AP3S1: variants seen among roughly 807,000 people sequenced by gnomAD.
AP3S1 encodes adaptor related protein complex 3 subunit sigma 1.
AP3S1 carries 12 observed loss-of-function variants against 21.3 expected under a neutral mutation model. The observed-to-expected ratio is 0.56, with a 90% CI of 0.36 to 0.91. AP3S1 has a LOEUF of 0.91. AP3S1 is among the 40% of genes least tolerant of loss of function. AP3S1 has a pLI of 0.01. For synonymous variants in AP3S1, 48 were observed against 78.4 expected, an observed-to-expected ratio of 0.61 and a Z score of 2.05; for missense variants, 116 against 225.0, an observed-to-expected ratio of 0.52 and a Z score of 3.10.
At chr5:115,894,599 T>C (rs1750590034) in intron 3 of AP3S1, among the ~76,000 whole-genome samples, 1 of 152,186 alleles carries the variant, frequency 6.6e-6, no homozygotes, top group African/African-American at 2.4e-5. Flanking sequence ...AGTTTAGAGT[T>C]TGGACCCAGG....
At chr5:115,847,017 C>T (rs1228183509) in intron 1 of AP3S1, among the ~76,000 whole-genome samples, 3 of 152,144 alleles carry the variant, frequency 2.0e-5, no homozygotes, top group Non-Finnish European at 4.4e-5. Context: ...TTCTCTTTCT[C>T]TGCTTTACTC....
intron 4 of AP3S1, among the ~76,000 whole-genome samples, chr5:115,900,799 A>G (rs1041703635): frequency 1.3e-5 from 2 of 152,198 alleles, no homozygotes; most frequent in Admixed American, 1.3e-4. Context: ...GAGCTGGGAA[A>G]TAGATGTATG....
At chr5:115,851,373 TTA>T (rs1382333267) in intron 1 of AP3S1, among the ~76,000 whole-genome samples, 5 of 152,182 alleles carry the variant, frequency 3.3e-5, no homozygotes, top group African/African-American at 9.7e-5. Context: ...TATGGTAATT[TTA>T]TGTTTTGCTT....
chr5:115,884,411 A>G (rs1476499674), intron 3 of AP3S1, among the ~76,000 whole-genome samples: 1 of 152,156 alleles, frequency 6.6e-6, no homozygotes, highest in Non-Finnish European at 1.5e-5. Flanking sequence ...TAAAGATACA[A>G]AAAATTAGCC....
intron 3 of AP3S1, among the ~76,000 whole-genome samples, chr5:115,871,083 C>T (rs1748194024): frequency 6.6e-6 from 1 of 152,092 alleles, no homozygotes; most frequent in Admixed American, 6.5e-5. Context: ...GCATGTCTGC[C>T]CTTGTTTGGA....
intron 4 of AP3S1, among the ~76,000 whole-genome samples, chr5:115,895,811 A>G (rs1750710705): frequency 6.6e-6 from 1 of 152,220 alleles, no homozygotes; most frequent in African/African-American, 2.4e-5. Flanking sequence ...GGAAATGACT[A>G]AGACACTACG....
At chr5:115,906,222 G>A (rs1204158695) in intron 5 of AP3S1, among the ~76,000 whole-genome samples, 2 of 152,088 alleles carry the variant, frequency 1.3e-5, no homozygotes, top group Non-Finnish European at 2.9e-5. Flanking sequence ...GAAAAGAACT[G>A]GTTATCAATA....
At chr5:115,868,604 A>G (rs1222232853) in intron 2 of AP3S1, among the ~76,000 whole-genome samples, 1 of 152,062 alleles carries the variant, frequency 6.6e-6, no homozygotes, top group East Asian at 1.9e-4. Context: ...GATGCTGGCC[A>G]GGCGCAGTGG....
chr5:115,898,933 T>C (rs1282214545), intron 4 of AP3S1: 1 of 152,248 alleles, frequency 6.6e-6, no homozygotes, highest in Non-Finnish European at 1.5e-5. Flanking sequence ...TCCAATTGGG[T>C]GGCCCCGTGT....
chr5:115,900,855 C>A (rs1029496479), intron 4 of AP3S1, among the ~76,000 whole-genome samples: 3 of 152,158 alleles, frequency 2.0e-5, no homozygotes, highest in Admixed American at 2.0e-4. Flanking sequence ...TATTAAAAAT[C>A]ATTGACCACT....
At chr5:115,884,233 ATC>A (rs1749565073) in intron 3 of AP3S1, among the ~76,000 whole-genome samples, 2 of 152,152 alleles carry the variant, frequency 1.3e-5, no homozygotes, top group Non-Finnish European at 1.5e-5. Context: ...ATTTTTAAAT[ATC>A]TCTTAATTTT....
rs1420424512 is a variant in AP3S1 at position 115,869,411 on chromosome 5, A to C, written c.162-606A>C. Among the ~76,000 whole-genome samples, 3 of 152,176 alleles carry C rather than the reference A, an allele frequency of 2.0e-5. No individual in the cohort carries two copies. The East Asian group carries it at 5.8e-4, about 29-fold the overall frequency. On this transcript the variant is annotated intron_variant, in intron 2 of 5. Transcript: ENST00000316788. ...AGTTAAATCTAGTAAGCACTTACAAATGCCCCATGATCTAATTTCCGCCTA... is the reference window on the plus strand; with the variant it reads ...AGTTAAATCTAGTAAGCACTTACAACTGCCCCATGATCTAATTTCCGCCTA...
At chr5:115,878,240 A>G (rs946385364) in intron 3 of AP3S1, among the ~76,000 whole-genome samples, 3 of 152,080 alleles carry the variant, frequency 2.0e-5, no homozygotes, top group Non-Finnish European at 4.4e-5. Flanking sequence ...TTTTGTTGCA[A>G]TTGCTTTTGG....
At position 115,866,774 on chromosome 5, in the gene AP3S1, T is replaced by G. The variant is rs777192109; in HGVS notation, c.161+13T>G. The G allele has an allele frequency of 6.5e-7, 1 of 1,539,812 alleles. No individual in the cohort carries two copies. The highest frequency in any genetic ancestry group is 8.9e-7 in the Non-Finnish European group (1 of 1,120,558). ...TAGAAGGAGGATTGTAAGTAAAGCA[T>G]TTCATAGACATTTCTAAGTTTTGAC... On this transcript the variant is annotated intron_variant, in intron 2 of 5. Coordinates refer to ENST00000316788, the MANE Select transcript of AP3S1 (RefSeq NM_001284.4).
intron 5 of AP3S1, chr5:115,906,962 A>T (rs927609711): frequency 1.5e-6 from 2 of 1,375,266 alleles, no homozygotes; most frequent in African/African-American, 1.5e-5. Context: ...TCTTTGTGTT[A>T]ATAAACCCAT....
intron 3 of AP3S1, among the ~76,000 whole-genome samples, chr5:115,879,309 A>G (rs1231054510): frequency 6.6e-6 from 1 of 152,248 alleles, no homozygotes; most frequent in East Asian, 1.9e-4. Flanking sequence ...GCTTTTGCCC[A>G]TTCAGTATGA....
chr5:115,862,833 A>G (rs1763301607), intron 1 of AP3S1, among the ~76,000 whole-genome samples: 1 of 152,228 alleles, frequency 6.6e-6, no homozygotes, highest in East Asian at 1.9e-4. Context: ...TGATGTTGGA[A>G]GTGCTCCCAA....
chr5:115,853,914 G>A (rs188392207), intron 1 of AP3S1, among the ~76,000 whole-genome samples: 2 of 152,264 alleles, frequency 1.3e-5, no homozygotes, highest in East Asian at 3.9e-4. Context: ...ATTTTAATAT[G>A]TGTCTTTGTT....
intron 1 of AP3S1, among the ~76,000 whole-genome samples, chr5:115,854,905 A>G (rs1182487809): frequency 6.6e-6 from 1 of 151,994 alleles, no homozygotes; most frequent in East Asian, 1.9e-4. Flanking sequence ...TTGACTTCTT[A>G]CAGTATGTTA....
Sources: gnomAD v4.1 joint callset for allele counts (sites outside exome capture counted in the v4.1 genomes callset) on GRCh38, gnomAD v4.1.1 for gene constraint, MANE v1.5 for transcripts, NCBI Gene and HGNC (gene_info 2026-07-23, HGNC 2026-07-21) for gene names.